The following AP3S2 variants were observed in gnomAD, a reference collection of about 807,000 sequenced individuals.
AP3S2 encodes AP-3 complex subunit sigma-2.
Under a neutral mutation model 23.4 loss-of-function variants are expected in AP3S2, and 22 were observed. The observed-to-expected ratio is 0.94, with a 90% CI of 0.67 to 1.34. AP3S2 has a LOEUF of 1.34. Among genes scored for constraint, AP3S2 ranks in the 40% most tolerant of loss-of-function variants. The pLI is 0.00. For synonymous variants in AP3S2, 86 were observed against 87.1 expected (o/e 0.99, Z 0.07); for missense variants, 241 against 236.9 (o/e 1.02, Z -0.11).
intron 4 of AP3S2, among the ~76,000 whole-genome samples, chr15:89,865,975 AG>A (rs2141872520): frequency 6.6e-6 from 1 of 152,246 alleles, no homozygotes; most frequent in African/African-American, 2.4e-5. Context: ...GTCACCTTGG[AG>A]GCTGGGCGCG....
At chr15:89,877,229 C>A in intron 3 of AP3S2, 1 of 910,952 alleles carries the variant, frequency 1.1e-6, no homozygotes, top group South Asian at 1.3e-5. Flanking sequence ...AGATCACAGA[C>A]CCACACATAA....
chr15:89,843,266 G>A (rs531688032), intron 4 of AP3S2, among the ~76,000 whole-genome samples: 1 of 152,026 alleles, frequency 6.6e-6, no homozygotes, highest in African/African-American at 2.4e-5. Flanking sequence ...TTACAAGCAT[G>A]AGCCACTACA....
intron 4 of AP3S2, among the ~76,000 whole-genome samples, chr15:89,864,849 A>G (rs962295990): frequency 6.6e-6 from 1 of 152,088 alleles, no homozygotes; most frequent in Non-Finnish European, 1.5e-5. Flanking sequence ...GTCCTTACAA[A>G]TACGTTTTTA....
chr15:89,862,626 G>A (rs1402658071), intron 4 of AP3S2, among the ~76,000 whole-genome samples: 2 of 152,198 alleles, frequency 1.3e-5, no homozygotes, highest in Non-Finnish European at 2.9e-5. Flanking sequence ...GACCTTGGGA[G>A]CGAGGAAGAG....
Position 89,832,787 on chromosome 15 carries a change from C to T in AP3S2, c.*2728G>A, listed in dbSNP as rs1486477783. 2.0e-5 allele frequency: 3 copies of T among 152,230 alleles called. No homozygotes were observed. Among genetic ancestry groups the T allele is most frequent in the Admixed American group, 6.5e-5 (1 of 15,276 alleles). The allele number at this position is 152,230 out of a possible 1,614,324, so 9.4% of individuals were successfully genotyped here. A position where few individuals can be genotyped will look rare whatever the true frequency, so the allele number is the denominator to read the frequency against. On this transcript the variant is annotated 3_prime_UTR_variant, in exon 6 of 6. Coordinates refer to ENST00000336418, the MANE Select transcript of AP3S2 (RefSeq NM_005829.5). ...ACAGGCGTGAGCCACCGCACCTGGCCAACCTTAACCTATTTTTAAAAAAGA... is the reference window on the plus strand; with the variant it reads ...ACAGGCGTGAGCCACCGCACCTGGCTAACCTTAACCTATTTTTAAAAAAGA...
In AP3S2 at chr15:89,835,747, G is replaced by T. The variant is rs545581831; in HGVS notation, c.454-104C>A. The T allele has an allele frequency of 1.3e-5, 19 of 1,468,316 alleles. No homozygotes were observed. In the South Asian group the frequency reaches 1.4e-4, roughly 11 times the overall value. 91.0% of individuals were successfully genotyped at this position (1,468,316 alleles called of 1,614,324 possible). ...AGCAAAAACAAAAACAAACAAGCAG[G>T]ATGGGTGTGGTGGCTCACGCCTGTA... On this transcript the variant is annotated intron_variant, in intron 5 of 5. Coordinates refer to ENST00000336418, the MANE Select transcript of AP3S2 (RefSeq NM_005829.5).
intron 4 of AP3S2, among the ~76,000 whole-genome samples, chr15:89,853,298 T>C (rs1259323396): frequency 6.6e-6 from 1 of 152,230 alleles, no homozygotes; most frequent in Non-Finnish European, 1.5e-5. Context: ...AAATTCACCA[T>C]TTATTGAACT....
chr15:89,877,755 A>T (rs561852054), intron 3 of AP3S2, among the ~76,000 whole-genome samples: 1 of 152,116 alleles, frequency 6.6e-6, no homozygotes, highest in Non-Finnish European at 1.5e-5. Flanking sequence ...AGATCATGCC[A>T]CTGTACTCCA....
Position 89,837,612 on chromosome 15 carries a change from C to G in AP3S2, c.453+3G>C. Reference sequence around the variant, plus strand: ...CAGGGCTAGAGCACAGCTGCTTACTCACCTCGGATTTCTCCAGCCTGTTTT... The same window carrying G: ...CAGGGCTAGAGCACAGCTGCTTACTGACCTCGGATTTCTCCAGCCTGTTTT... On this transcript the variant is annotated splice_donor_region_variant and intron_variant, in intron 5 of 5. Coordinates refer to ENST00000336418, the MANE Select transcript of AP3S2 (RefSeq NM_005829.5). The G allele has an allele frequency of 2.5e-6, 4 of 1,614,128 alleles. No homozygotes were observed. Among genetic ancestry groups the G allele is most frequent in the Non-Finnish European group, 3.4e-6 (4 of 1,179,984 alleles).
intron 4 of AP3S2, among the ~76,000 whole-genome samples, chr15:89,868,158 G>A (rs1391229566): frequency 1.2e-5 from 1 of 83,462 alleles, no homozygotes; most frequent in Non-Finnish European, 2.7e-5. Context: ...CCGTCCGGGA[G>A]GGAGGTGGGG....
intron 4 of AP3S2, among the ~76,000 whole-genome samples, chr15:89,859,622 T>C (rs1396916259): frequency 6.6e-6 from 1 of 151,858 alleles, no homozygotes; most frequent in African/African-American, 2.4e-5. Flanking sequence ...CTCGAACTCC[T>C]GACCTCAGGT....
chr15:89,854,683 C>G (rs12232329), intron 4 of AP3S2, among the ~76,000 whole-genome samples: 2 of 22,708 alleles, frequency 8.8e-5, no homozygotes, highest in Admixed American at 2.9e-4. Context: ...CCAGCCGCCC[C>G]GTCCGGGAGG....
intron 3 of AP3S2, among the ~76,000 whole-genome samples, chr15:89,881,543 G>A (rs1456559470): frequency 3.9e-5 from 6 of 152,156 alleles, no homozygotes; most frequent in Non-Finnish European, 7.3e-5. Flanking sequence ...TAGAGTTATT[G>A]AAGTGTGATA....
intron 3 of AP3S2, among the ~76,000 whole-genome samples, chr15:89,875,766 T>C (rs1017278513): frequency 2.6e-5 from 4 of 152,180 alleles, no homozygotes; most frequent in Non-Finnish European, 5.9e-5. Flanking sequence ...TTGAGCAACA[T>C]GGCAAAGCCC....
Position 89,892,649 on chromosome 15 carries a change from T to TAC in AP3S2, c.69+1230_69+1231dup, listed in dbSNP as rs1458011183. ...TAGTTACGCTGAATACTCATATACA[T>TAC]ACATATATATATATACTTTTTTGTG... On this transcript the variant is annotated intron_variant, in intron 1 of 5. Transcript: ENST00000336418. 2.9e-5 allele frequency among the ~76,000 whole-genome samples: 4 copies of TAC among 136,468 alleles called. No individual in the cohort carries two copies. The East Asian group carries it at 9.3e-4, about 32-fold the overall frequency. 89.5% of individuals were successfully genotyped at this position (136,468 alleles called of 152,430 possible).
chr15:89,864,149 C>T (rs1393925650), intron 4 of AP3S2, among the ~76,000 whole-genome samples: 1 of 152,152 alleles, frequency 6.6e-6, no homozygotes, highest in Non-Finnish European at 1.5e-5. Flanking sequence ...CAGCAAAATA[C>T]TTTATGGAAC....
At chr15:89,882,144 A>C (rs927821079) in intron 3 of AP3S2, among the ~76,000 whole-genome samples, 4 of 152,042 alleles carry the variant, frequency 2.6e-5, no homozygotes, top group Admixed American at 1.3e-4. Flanking sequence ...CTAAATATCT[A>C]TCTAGCAACA....
intron 4 of AP3S2, among the ~76,000 whole-genome samples, chr15:89,844,281 CTCTT>C (rs1227024976): frequency 4.7e-4 from 22 of 46,346 alleles, no homozygotes; most frequent in East Asian, 2.0e-3. Context: ...CTCTCTCTCT[CTCTT>C]TCTTTCTTTA....
At chr15:89,835,912 C>G (rs934626446) in intron 5 of AP3S2, among the ~76,000 whole-genome samples, 5 of 152,022 alleles carry the variant, frequency 3.3e-5, no homozygotes, top group African/African-American at 1.2e-4. Flanking sequence ...CCTGTAGTCC[C>G]AGCTACTAGG....
Sources: gnomAD v4.1 joint callset for allele counts (sites outside exome capture counted in the v4.1 genomes callset) on GRCh38, gnomAD v4.1.1 for gene constraint, MANE v1.5 for transcripts, NCBI Gene and HGNC (gene_info 2026-07-23, HGNC 2026-07-21) for gene names.